PYY: variants seen among roughly 807,000 people sequenced by gnomAD.
The protein encoded by PYY is peptide YY.
Under a neutral mutation model 10.3 loss-of-function variants are expected in PYY, and 12 were observed. The observed-to-expected ratio is 1.17, with a 90% CI of 0.75 to 1.89. The LOEUF (loss-of-function observed/expected upper bound fraction) is 1.89, where lower values mean the gene tolerates loss of function less well. Ranked by LOEUF, PYY falls within the 40% of genes most tolerant of loss-of-function variation. PYY has a pLI of 0.00. For missense variants in PYY, 141 were observed against 134.0 expected, an observed-to-expected ratio of 1.05 and a Z score of -0.26; for synonymous variants, 66 against 62.0, an observed-to-expected ratio of 1.06 and a Z score of -0.30.
intron 1 of PYY, among the ~76,000 whole-genome samples, chr17:43,974,236 A>G (rs901766884): frequency 2.0e-5 from 3 of 151,984 alleles, no homozygotes; most frequent in Non-Finnish European, 4.4e-5. Context: ...TTTCCCGCAC[A>G]TAACATTTGT....
At chr17:43,975,039 C>T (rs538411426) in intron 1 of PYY, among the ~76,000 whole-genome samples, 40 of 152,180 alleles carry the variant, frequency 2.6e-4, no homozygotes, top group African/African-American at 8.2e-4. Context: ...TTCTTCCAGC[C>T]GTTGAGCCAT....
intron 1 of PYY, among the ~76,000 whole-genome samples, chr17:43,988,319 G>A (rs976120446): frequency 6.6e-6 from 1 of 152,180 alleles, no homozygotes; most frequent in African/African-American, 2.4e-5. Flanking sequence ...GGAGCTTTAC[G>A]AGCGTAAAAG....
intron 1 of PYY, among the ~76,000 whole-genome samples, chr17:44,001,047 C>G (rs573358567): frequency 1.3e-5 from 2 of 152,152 alleles, no homozygotes; most frequent in Non-Finnish European, 2.9e-5. Context: ...TATCTGTTTG[C>G]ATCTCAATGC....
At chr17:43,995,615 C>T (rs2048986255) in intron 1 of PYY, among the ~76,000 whole-genome samples, 1 of 152,124 alleles carries the variant, frequency 6.6e-6, no homozygotes, top group Non-Finnish European at 1.5e-5. Flanking sequence ...GGGTGGATCA[C>T]TTGAGGTCAG....
At position 43,976,087 on chromosome 17, in the gene PYY, A is replaced by G. The variant is rs1256295235; in HGVS notation, c.-462-9555T>C. 2.6e-5 allele frequency among the ~76,000 whole-genome samples: 3 copies of G among 113,888 alleles called. 1 individual carries two copies. The highest frequency in any genetic ancestry group is 3.5e-5 in the Non-Finnish European group (2 of 56,536). 74.7% of individuals were successfully genotyped at this position (113,888 alleles called of 152,430 possible). On this transcript the variant is annotated intron_variant, in intron 1 of 6. Transcript: ENST00000360085. ...TGTATACGCGTATGTACATGTATAC[A>G]TGAATATGCATATATACGTGTATAC...
At chr17:43,956,546 C>T (rs1325703363), upstream of PYY, among the ~76,000 whole-genome samples, 4 of 150,534 alleles carry the variant, frequency 2.7e-5, no homozygotes, top group Non-Finnish European at 5.9e-5. Context: ...GACCTGCCTC[C>T]GGTTTGTCCT....
At chr17:43,963,590 G>GAAAGAA (rs1555617087) in intron 2 of PYY, among the ~76,000 whole-genome samples, 2 of 64,706 alleles carry the variant, frequency 3.1e-5, no homozygotes, top group African/African-American at 1.0e-4. Flanking sequence ...AAGAAAGAAA[G>GAAAGAA]AAAGAAAGAA....
chr17:43,953,059 G>A (rs775731236), intron 3 of PYY, 50 bp downstream of exon 3: 4 of 1,607,672 alleles, frequency 2.5e-6, no homozygotes, highest in Admixed American at 3.4e-5. Flanking sequence ...GCCAGGGTAG[G>A]GCCAGGCCGC....
chr17:43,952,747 A>C lies in PYY; in HGVS notation c.*209T>G. 2.0e-6 allele frequency: 1 copy of C among 492,458 alleles called. No individual in the cohort carries two copies. The highest frequency in any genetic ancestry group is 3.5e-6 in the Non-Finnish European group (1 of 283,752). The allele number at this position is 492,458 out of a possible 1,614,324, so 30.5% of individuals were successfully genotyped here. ...AAAGGCATACATTCCGTTTCTGTGGAATTTGCTCTTTATTTTGGGACCAGG... is the reference window on the plus strand; with the variant it reads ...AAAGGCATACATTCCGTTTCTGTGGCATTTGCTCTTTATTTTGGGACCAGG... On this transcript the variant is annotated 3_prime_UTR_variant, in exon 4 of 4. Transcript: ENST00000692052.
chr17:43,963,570 A>AAAAG (rs1162426873), intron 2 of PYY, among the ~76,000 whole-genome samples: 6,145 of 104,566 alleles, frequency 0.059, 248 homozygotes, highest in African/African-American at 0.067. Flanking sequence ...GGAAGGAAGG[A>AAAAG]AAAGAAAGAA....
chr17:43,970,431 C>G (rs1358332199), intron 1 of PYY, among the ~76,000 whole-genome samples: 1 of 151,772 alleles, frequency 6.6e-6, no homozygotes, highest in Admixed American at 6.6e-5. Context: ...TGCTTGAATC[C>G]AGGAGGCAGA....
At chr17:43,955,073 T>A (rs931227510), upstream of PYY, among the ~76,000 whole-genome samples, 1 of 152,094 alleles carries the variant, frequency 6.6e-6, no homozygotes, top group African/African-American at 2.4e-5. Context: ...GGAGTAGCCA[T>A]TGGGGCGCCA....
At chr17:43,963,626 G>GAAAGAAAGAAAGAA (rs3080254) in intron 2 of PYY, among the ~76,000 whole-genome samples, 1,698 of 82,056 alleles carry the variant, frequency 0.021, 50 homozygotes, top group East Asian at 0.032. Context: ...AAGAAAGAAA[G>GAAAGAAAGAAAGAA]AGAAAGAAAG....
chr17:43,967,399 C>G (rs2048761978), intron 1 of PYY, among the ~76,000 whole-genome samples: 1 of 152,188 alleles, frequency 6.6e-6, no homozygotes, highest in African/African-American at 2.4e-5. Flanking sequence ...CAGGGCCTGT[C>G]CACAGCAGGC....
At chr17:43,975,170 G>A (rs1261090374) in intron 1 of PYY, among the ~76,000 whole-genome samples, 6 of 152,104 alleles carry the variant, frequency 3.9e-5, no homozygotes, top group African/African-American at 1.2e-4. Context: ...TTCCATCAAC[G>A]GGGAAAATCA....
chr17:43,981,186 A>C (rs1377201739), intron 1 of PYY, among the ~76,000 whole-genome samples: 1 of 152,096 alleles, frequency 6.6e-6, no homozygotes, highest in East Asian at 1.9e-4. Flanking sequence ...CATTCTTGGA[A>C]GTGTCTTTTG....
At chr17:43,995,419 C>T (rs1275008417) in intron 1 of PYY, among the ~76,000 whole-genome samples, 2 of 151,708 alleles carry the variant, frequency 1.3e-5, no homozygotes, top group Non-Finnish European at 2.9e-5. Context: ...CAACCTCCGC[C>T]TCCCGGGTTC....
chr17:44,000,238 C>T (rs2049017017), intron 1 of PYY, among the ~76,000 whole-genome samples: 2 of 152,146 alleles, frequency 1.3e-5, no homozygotes, highest in South Asian at 2.1e-4. Flanking sequence ...CTTTCTCTAG[C>T]CATCATGCAT....
chr17:43,997,793 T>C (rs2143965708), intron 1 of PYY, among the ~76,000 whole-genome samples: 1 of 152,190 alleles, frequency 6.6e-6, no homozygotes, highest in South Asian at 2.1e-4. Context: ...TAAGGCCATT[T>C]AGGAAGCTAT....
Sources: gnomAD v4.1 joint callset for allele counts (sites outside exome capture counted in the v4.1 genomes callset) on GRCh38, gnomAD v4.1.1 for gene constraint, MANE v1.5 for transcripts, NCBI Gene and HGNC (gene_info 2026-07-23, HGNC 2026-07-21) for gene names.